The following DLGAP1 variants were observed in gnomAD, a reference collection of about 807,000 sequenced individuals.
DLGAP1 encodes disks large-associated protein 1.
In DLGAP1, 11 loss-of-function variants were observed where a neutral mutation model predicts 90.8. The observed-to-expected ratio is 0.12, with a 90% CI of 0.08 to 0.20. The LOEUF is 0.20. Ranked by LOEUF, DLGAP1 falls within the 10% of genes least tolerant of loss-of-function variation. The pLI is 1.00. For missense variants in DLGAP1, 1,050 were observed against 1,333.8 expected (o/e 0.79, Z 3.31); for synonymous variants, 558 against 540.7 (o/e 1.03, Z -0.44).
chr18:3,757,692 A>G (rs2063773554), intron 5 of DLGAP1, among the ~76,000 whole-genome samples: 1 of 152,246 alleles, frequency 6.6e-6, no homozygotes, highest in Admixed American at 6.5e-5. Flanking sequence ...ATTAAACCCA[A>G]CAGCTATTAA....
At chr18:4,270,869 G>A (rs1478116766) in intron 1 of DLGAP1, among the ~76,000 whole-genome samples, 4 of 152,156 alleles carry the variant, frequency 2.6e-5, no homozygotes, top group Non-Finnish European at 5.9e-5. Flanking sequence ...ACCTTAAGTC[G>A]TTTTCATGGT....
At chr18:3,940,262 G>T (rs576104830) in intron 3 of DLGAP1, among the ~76,000 whole-genome samples, 110 of 152,308 alleles carry the variant, frequency 7.2e-4, no homozygotes, top group African/African-American at 2.6e-3. Context: ...CCCCAGTCAA[G>T]TTTACAGATG....
chr18:3,847,476 TAGGAAGAAG>T lies in DLGAP1; in HGVS notation c.957+31627_957+31635del, dbSNP rs572109269. 3.1e-3 allele frequency among the ~76,000 whole-genome samples: 464 copies of T among 151,100 alleles called. 11 individuals carry two copies. The highest frequency in any genetic ancestry group is 0.028 in the Admixed American group (419 of 15,158). On this transcript the variant is annotated intron_variant, in intron 4 of 12. Coordinates refer to ENST00000315677, the MANE Select transcript of DLGAP1 (RefSeq NM_004746.4). ...AGAGCACCAGGAAAAAGAGGAGGAC[TAGGAAGAAG>T]AGGAAGAAGAGAATAAAGATGAAGG...
chr18:3,748,228 T>C (rs1385852997), intron 5 of DLGAP1, among the ~76,000 whole-genome samples: 2 of 152,204 alleles, frequency 1.3e-5, no homozygotes, highest in African/African-American at 4.8e-5. Flanking sequence ...CAACCAATAA[T>C]GGGAAGTTCT....
chr18:3,949,621 C>T (rs76325846), intron 3 of DLGAP1, among the ~76,000 whole-genome samples: 24,329 of 152,070 alleles, frequency 0.16, 2,048 homozygotes, highest in Middle Eastern at 0.2. Flanking sequence ...ACCAGCAGAG[C>T]GCCTCTTTGT....
At chr18:3,734,992 T>C (rs2062582497) in intron 6 of DLGAP1, among the ~76,000 whole-genome samples, 1 of 152,136 alleles carries the variant, frequency 6.6e-6, no homozygotes, top group African/African-American at 2.4e-5. Context: ...CTATATATTC[T>C]CCTAACATTT....
Position 4,300,866 on chromosome 18 carries a change from G to T in DLGAP1, c.-266-149579C>A, listed in dbSNP as rs140216197. ...GAAAGCTTTCTCCCCTATTTCCAAT[G>T]TTAGGGTTGTTTTGTCATTGAATTC... On this transcript the variant is annotated intron_variant, in intron 1 of 12. Transcript: ENST00000315677. Among the ~76,000 whole-genome samples the T allele has an allele frequency of 2.9e-3, 435 of 152,254 alleles. 1 individual carries two copies. Among genetic ancestry groups the T allele is most frequent in the African/African-American group, 0.01 (419 of 41,546 alleles).
At chr18:3,590,672 T>C (rs931053900) in intron 7 of DLGAP1, among the ~76,000 whole-genome samples, 1 of 152,070 alleles carries the variant, frequency 6.6e-6, no homozygotes, top group Non-Finnish European at 1.5e-5. Flanking sequence ...CTGGCGAACA[T>C]GGTGAAACCC....
In DLGAP1 at chr18:3,651,831, C is replaced by T. The variant is rs868445799; in HGVS notation, c.1592-69583G>A. Reference sequence around the variant, plus strand: ...CTACTATAAATACAAAATAGCCGGGCGTGGTGGCGGGCACCTGTAATCCCA... The same window carrying T: ...CTACTATAAATACAAAATAGCCGGGTGTGGTGGCGGGCACCTGTAATCCCA... On this transcript the variant is annotated intron_variant, in intron 7 of 12. Coordinates refer to ENST00000315677, the MANE Select transcript of DLGAP1 (RefSeq NM_004746.4). Among the ~76,000 whole-genome samples the T allele has an allele frequency of 4.0e-5, 6 of 151,884 alleles. No individual in the cohort carries two copies. In the East Asian group the frequency reaches 7.7e-4, roughly 20 times the overall value.
chr18:4,211,733 C>T (rs562513897), intron 1 of DLGAP1, among the ~76,000 whole-genome samples: 33 of 152,060 alleles, frequency 2.2e-4, no homozygotes, highest in African/African-American at 7.7e-4. Flanking sequence ...CTTAGTCTCT[C>T]GAGACAAGGA....
At chr18:3,918,571 G>A (rs941500134) in intron 3 of DLGAP1, among the ~76,000 whole-genome samples, 5 of 152,116 alleles carry the variant, frequency 3.3e-5, no homozygotes, top group Admixed American at 2.6e-4. Flanking sequence ...AGGAACTAGA[G>A]GTCCCTGGAA....
At chr18:4,217,930 T>C (rs2077991697) in intron 1 of DLGAP1, among the ~76,000 whole-genome samples, 1 of 152,088 alleles carries the variant, frequency 6.6e-6, no homozygotes, top group Non-Finnish European at 1.5e-5. Flanking sequence ...ATCCAAGTTA[T>C]CAATTTTTTT....
rs541932845 is a variant in DLGAP1 at position 4,093,607 on chromosome 18, A to T, written c.-159+57573T>A. On this transcript the variant is annotated intron_variant, in intron 2 of 12. Transcript: ENST00000315677. ...TCAAAAAAAAAAAGGTCTTTGATAT[A>T]CTTCTCCAACTTTGTACAATAAGGA... 5.1e-4 allele frequency among the ~76,000 whole-genome samples: 77 copies of T among 152,218 alleles called. 1 individual carries two copies. The highest frequency in any genetic ancestry group is 1.2e-3 in the South Asian group (6 of 4,820).
At chr18:3,701,420 T>C in intron 7 of DLGAP1, among the ~76,000 whole-genome samples, 1 of 152,148 alleles carries the variant, frequency 6.6e-6, no homozygotes, top group East Asian at 1.9e-4. Context: ...TCCTGGTTGC[T>C]GAAGAATGTT....
chr18:3,782,582 G>C (rs1013075922), intron 5 of DLGAP1, among the ~76,000 whole-genome samples: 2 of 152,186 alleles, frequency 1.3e-5, no homozygotes, highest in Non-Finnish European at 2.9e-5. Flanking sequence ...AGTTTTTCTG[G>C]GTAGGGGGAA....
intron 3 of DLGAP1, among the ~76,000 whole-genome samples, chr18:3,993,886 T>C (rs537891265): frequency 2.1e-4 from 32 of 152,160 alleles, no homozygotes; most frequent in Admixed American, 7.9e-4. Context: ...GTTTTAGTTT[T>C]TTATAGAGCA....
intron 2 of DLGAP1, among the ~76,000 whole-genome samples, chr18:4,126,269 T>G (rs2076232240): frequency 6.6e-6 from 1 of 152,214 alleles, no homozygotes; most frequent in African/African-American, 2.4e-5. Context: ...TCAGAGCTGA[T>G]TTTATATTGC....
chr18:3,740,689 A>G (rs553386822), intron 6 of DLGAP1, among the ~76,000 whole-genome samples: 317 of 152,082 alleles, frequency 2.1e-3, no homozygotes, highest in Non-Finnish European at 3.6e-3. Flanking sequence ...TACCAGCACC[A>G]CACCATAGCA....
At chr18:3,946,661 C>T (rs77957313) in intron 3 of DLGAP1, among the ~76,000 whole-genome samples, 1 of 152,054 alleles carries the variant, frequency 6.6e-6, no homozygotes, top group Admixed American at 6.6e-5. Flanking sequence ...GTGAAAAAAA[C>T]TATCAAGTAT....
Sources: allele counts gnomAD v4.1 joint callset (sites outside exome capture counted in the v4.1 genomes callset), GRCh38; gene constraint gnomAD v4.1.1; transcripts MANE v1.5; gene names NCBI Gene and HGNC (gene_info 2026-07-23, HGNC 2026-07-21).